Variants in MYO3B observed in about 807,000 individuals in gnomAD.
The protein encoded by MYO3B is myosin IIIB.
Under a neutral mutation model 174.6 loss-of-function variants are expected in MYO3B, and 156 were observed. The observed-to-expected ratio is 0.89, with a 90% CI of 0.78 to 1.02. The LOEUF (loss-of-function observed/expected upper bound fraction) is 1.02. MYO3B is among the 50% of genes least tolerant of loss of function. MYO3B has a pLI of 0.00. For synonymous variants in MYO3B, 563 were observed against 569.1 expected, an observed-to-expected ratio of 0.99 and a Z score of 0.15; for missense variants, 1,632 against 1,639.4, an observed-to-expected ratio of 1.00 and a Z score of 0.08.
At chr2:170,402,656 A>G (rs1372627507) in intron 18 of MYO3B, among the ~76,000 whole-genome samples, 192 bp from the exon 19 acceptor site, 1 of 152,200 alleles carries the variant, frequency 6.6e-6, no homozygotes, top group Non-Finnish European at 1.5e-5. Context: ...AGTTGAAAAT[A>G]CTATTGAAAG....
At chr2:170,380,186 G>T (rs1173573522) in intron 9 of MYO3B, among the ~76,000 whole-genome samples, 1 of 152,232 alleles carries the variant, frequency 6.6e-6, no homozygotes, top group East Asian at 1.9e-4. Flanking sequence ...TGACAGAGAA[G>T]AATCAAGAAG....
chr2:170,466,698 G>T lies in MYO3B; in HGVS notation c.3001G>T (p.Glu1001Ter). The change falls in exon 25 of 35, where the codon GAA becomes TAA. Residue 1001 changes from glutamate (E) to a stop codon, truncating the protein, a stop_gained. Transcript: ENST00000408978. LOFTEE classifies it high-confidence loss of function. ...CTATTCCCACCGCATCCTTTTTGAAGAATTTGTGAAAAGGTCAGACCGTCA... is the reference window on the plus strand; with the variant it reads ...CTATTCCCACCGCATCCTTTTTGAATAATTTGTGAAAAGGTCAGACCGTCA... ...QGYSHRILFE[E>*]FVKRYYYLAF... 6.2e-7 allele frequency: 1 copy of T among 1,614,184 alleles called. No individual in the cohort carries two copies. Among genetic ancestry groups the T allele is most frequent in the Non-Finnish European group, 8.5e-7 (1 of 1,180,016 alleles).
chr2:170,324,567 G>A (rs917094402), intron 7 of MYO3B, among the ~76,000 whole-genome samples: 3 of 152,208 alleles, frequency 2.0e-5, no homozygotes, highest in African/African-American at 7.2e-5. Flanking sequence ...AAATTCCTTA[G>A]AAGCTGGTTT....
intron 32 of MYO3B, among the ~76,000 whole-genome samples, chr2:170,621,229 G>T (rs1226576218): frequency 6.6e-6 from 1 of 152,170 alleles, no homozygotes; most frequent in South Asian, 2.1e-4. Context: ...CAGGACAACA[G>T]TTGTCACATA....
Position 170,218,789 on chromosome 2 carries a change from C to CATT in MYO3B, c.603+1408_603+1410dup, listed in dbSNP as rs201393552. Among the ~76,000 whole-genome samples, 353 of 152,164 alleles carry CATT rather than the reference C, an allele frequency of 2.3e-3. 7 individuals carry two copies. Among genetic ancestry groups the CATT allele is most frequent in the African/African-American group, 8.0e-3 (332 of 41,500 alleles). On this transcript the variant is annotated intron_variant, in intron 6 of 34. Transcript: ENST00000408978. ...ACTATGTTTTTACTCCTCCTTCTCCCATTATTATTATTATTAATACAATTA... is the reference window on the plus strand; with the variant it reads ...ACTATGTTTTTACTCCTCCTTCTCCCATTATTATTATTATTATTAATACAATTA...
At chr2:170,452,847 C>T (rs1683674218) in intron 23 of MYO3B, among the ~76,000 whole-genome samples, 1 of 152,134 alleles carries the variant, frequency 6.6e-6, no homozygotes, top group Non-Finnish European at 1.5e-5. Flanking sequence ...CAAAAAGTTA[C>T]ACAAATAACA....
At chr2:170,326,580 C>T (rs1001669915) in intron 7 of MYO3B, among the ~76,000 whole-genome samples, 1 of 152,184 alleles carries the variant, frequency 6.6e-6, no homozygotes, top group Non-Finnish European at 1.5e-5. Flanking sequence ...CCACTTGTCC[C>T]CTCCATCATC....
chr2:170,214,753 C>G lies in MYO3B; in HGVS notation c.451C>G (p.Arg151Gly). The G allele has an allele frequency of 6.2e-7, 1 of 1,613,942 alleles. No individual in the cohort carries two copies. Among genetic ancestry groups the G allele is most frequent in the Non-Finnish European group, 8.5e-7 (1 of 1,179,962 alleles). ...GGGCCTTCAGCATTTGCACAACAACCGAATCATCCACCGTGATGTGAAGGG... is the reference window on the plus strand; with the variant it reads ...GGGCCTTCAGCATTTGCACAACAACGGAATCATCCACCGTGATGTGAAGGG... ...LLGLQHLHNN[R>G]IIHRDVKGNN... The change falls in exon 5 of 35, where the codon CGA (arginine) becomes GGA (glycine). Residue 151 changes from arginine to glycine, a missense_variant. Coordinates refer to ENST00000408978, the MANE Select transcript of MYO3B (RefSeq NM_138995.5).
At chr2:170,349,216 C>T (rs1416122801) in intron 8 of MYO3B, among the ~76,000 whole-genome samples, 1 of 152,124 alleles carries the variant, frequency 6.6e-6, no homozygotes, top group Non-Finnish European at 1.5e-5. Flanking sequence ...CTGACTTCCC[C>T]AGGAGGACTC....
chr2:170,306,344 A>G (rs561449142), intron 7 of MYO3B, among the ~76,000 whole-genome samples: 1 of 152,336 alleles, frequency 6.6e-6, no homozygotes, highest in South Asian at 2.1e-4. Flanking sequence ...CCCACCTCTT[A>G]ATGGGAAAAG....
Position 170,501,880 on chromosome 2 carries a change from AT to A in MYO3B, c.3370+19del. 1 of 1,530,266 alleles carries A rather than the reference AT, an allele frequency of 6.5e-7. No homozygotes were observed. Among genetic ancestry groups the A allele is most frequent in the Admixed American group, 1.7e-5 (1 of 59,200 alleles). The allele number at this position is 1,530,266 out of a possible 1,614,324, so 94.8% of individuals were successfully genotyped here. A position where few individuals can be genotyped will look rare whatever the true frequency, so the allele number is the denominator to read the frequency against. ...TAATCAAGCAGGTAATTAAAACATC[AT>A]TTTCACAGTGTCCACTTGAAAATAT... On this transcript the variant is annotated intron_variant, in intron 28 of 34. Coordinates refer to ENST00000408978, the MANE Select transcript of MYO3B (RefSeq NM_138995.5).
At chr2:170,505,065 G>A (rs1183540711) in intron 28 of MYO3B, among the ~76,000 whole-genome samples, 1 of 152,020 alleles carries the variant, frequency 6.6e-6, no homozygotes, top group Non-Finnish European at 1.5e-5. Context: ...CAGTTCACCA[G>A]CCAGTAATCA....
intron 22 of MYO3B, 52 bp from the exon 23 acceptor site, chr2:170,443,915 C>T: frequency 6.8e-7 from 1 of 1,465,454 alleles, no homozygotes; most frequent in East Asian, 2.3e-5. Context: ...TACTCATGAT[C>T]CTATTTCTTA....
At chr2:170,602,611 T>C (rs1694583374) in intron 32 of MYO3B, among the ~76,000 whole-genome samples, 1 of 152,204 alleles carries the variant, frequency 6.6e-6, no homozygotes, top group Non-Finnish European at 1.5e-5. Context: ...AGCCAAGGCT[T>C]TCCTCACCTC....
intron 24 of MYO3B, among the ~76,000 whole-genome samples, chr2:170,463,723 A>AT (rs377027166): frequency 0.26 from 39,544 of 152,062 alleles, 6,087 homozygotes; most frequent in Non-Finnish European, 0.33. Flanking sequence ...AGTAGTTAAT[A>AT]AAGTTCCAGA....
chr2:170,380,163 A>G (rs957353961), intron 9 of MYO3B, among the ~76,000 whole-genome samples: 3 of 152,222 alleles, frequency 2.0e-5, no homozygotes, highest in Non-Finnish European at 4.4e-5. Context: ...TGTGATGTTG[A>G]TGGGCACAAA....
intron 9 of MYO3B, among the ~76,000 whole-genome samples, chr2:170,371,918 T>A (rs1157648353): frequency 6.6e-6 from 1 of 151,316 alleles, no homozygotes; most frequent in Non-Finnish European, 1.5e-5. Flanking sequence ...GGCTGGTCAC[T>A]ATAGCAAGAC....
chr2:170,301,471 C>T (rs1177226916), intron 7 of MYO3B, among the ~76,000 whole-genome samples: 1 of 152,098 alleles, frequency 6.6e-6, no homozygotes, highest in Non-Finnish European at 1.5e-5. Flanking sequence ...GGGCACAAAA[C>T]ATGATCAAAA....
chr2:170,590,077 A>G (rs1045975126), intron 32 of MYO3B, among the ~76,000 whole-genome samples: 1 of 152,224 alleles, frequency 6.6e-6, no homozygotes, highest in Non-Finnish European at 1.5e-5. Flanking sequence ...GGTTTGTGTA[A>G]GTACTCTATG....
Sources: allele counts gnomAD v4.1 joint callset (sites outside exome capture counted in the v4.1 genomes callset), GRCh38; gene constraint gnomAD v4.1.1; transcripts MANE v1.5; gene names NCBI Gene and HGNC (gene_info 2026-07-23, HGNC 2026-07-21).